Variants in APP observed in about 807,000 individuals in gnomAD.
APP encodes the protein amyloid-beta precursor protein.
APP carries 31 observed loss-of-function variants against 101.4 expected under a neutral mutation model. That is an observed-to-expected ratio of 0.31 (90% CI 0.23 to 0.41). APP has a LOEUF of 0.41. Ranked by LOEUF, APP falls within the 10% of genes least tolerant of loss-of-function variation. APP has a pLI of 1.00. For synonymous variants in APP, 366 were observed against 364.4 expected (o/e 1.00, Z -0.05); for missense variants, 839 against 1,003.7 (o/e 0.84, Z 2.22).
In APP at chr21:26,082,175, C is replaced by T. The variant is rs969024670; in HGVS notation, c.355+7768G>A. The stretch of plus-strand genomic sequence containing the variant: ...TGGAGGTTGCAGTGAGCCGAGATCA[C>T]GCCATTGCACTCCAGCCGGGGCAAC... On this transcript the variant is annotated intron_variant, in intron 3 of 17. Coordinates refer to ENST00000346798, the MANE Select transcript of APP (RefSeq NM_000484.4). Among the ~76,000 whole-genome samples the T allele has an allele frequency of 1.1e-4, 17 of 152,086 alleles. 1 individual carries two copies. The highest frequency in any genetic ancestry group is 3.9e-4 in the African/African-American group (16 of 41,408).
chr21:25,997,832 T>C (rs1229883763), intron 7 of APP, among the ~76,000 whole-genome samples: 1 of 152,212 alleles, frequency 6.6e-6, no homozygotes, highest in Non-Finnish European at 1.5e-5. Context: ...CCCATCTAAC[T>C]GATCTTCAGC....
intron 1 of APP, among the ~76,000 whole-genome samples, chr21:26,153,484 T>C (rs1341801591): frequency 2.6e-5 from 4 of 152,112 alleles, no homozygotes; most frequent in Non-Finnish European, 5.9e-5. Context: ...TTCACTTTTT[T>C]AAAAAACATA....
At chr21:26,101,332 C>A (rs955178655) in intron 2 of APP, among the ~76,000 whole-genome samples, 1 of 152,138 alleles carries the variant, frequency 6.6e-6, no homozygotes, top group East Asian at 1.9e-4. Context: ...CTCTTGATCT[C>A]GTCACCAGCC....
At position 26,002,757 on chromosome 21, in the gene APP, C is replaced by T. The variant is rs147631787; in HGVS notation, c.866-2575G>A. ...CCATGCCTTGGCAATTTATGCTGAC[C>T]CTCACATTTTGGCATTAAAAAAAAG... On this transcript the variant is annotated intron_variant, in intron 6 of 17. Transcript: ENST00000346798. 2.4e-3 allele frequency among the ~76,000 whole-genome samples: 369 copies of T among 152,160 alleles called. 2 individuals are homozygous for T. The highest frequency in any genetic ancestry group is 8.4e-3 in the African/African-American group (347 of 41,502).
At chr21:25,957,481 G>GTTA (rs1426259413) in intron 11 of APP, among the ~76,000 whole-genome samples, 2 of 152,146 alleles carry the variant, frequency 1.3e-5, no homozygotes, top group Admixed American at 1.3e-4. Flanking sequence ...ATGCTTGCTT[G>GTTA]TTATTAAGCA....
At chr21:26,089,913 C>G in intron 3 of APP, 30 bp downstream of exon 3, 1 of 1,613,488 alleles carries the variant, frequency 6.2e-7, no homozygotes, top group South Asian at 1.1e-5. Context: ...GGCCCCCAAT[C>G]AACACCAGCC....
intron 8 of APP, among the ~76,000 whole-genome samples, chr21:25,988,054 C>T (rs559521612): frequency 5.3e-5 from 8 of 152,102 alleles, no homozygotes; most frequent in Non-Finnish European, 5.9e-5. Context: ...AAAGGTAGAC[C>T]GCAGTAAGTG....
intron 1 of APP, chr21:26,158,188 T>A (rs537483474): frequency 6.6e-6 from 1 of 152,214 alleles, no homozygotes; most frequent in South Asian, 2.1e-4. Context: ...ACCATAAAAA[T>A]GAGAAAGCAT....
At chr21:25,923,394 C>T (rs2039719163) in intron 13 of APP, among the ~76,000 whole-genome samples, 1 of 146,970 alleles carries the variant, frequency 6.8e-6, no homozygotes, top group Non-Finnish European at 1.5e-5. Context: ...TCTAATTAAA[C>T]TAAAGAGCTT....
chr21:25,929,798 A>G (rs1388091162), intron 13 of APP, among the ~76,000 whole-genome samples: 1 of 152,236 alleles, frequency 6.6e-6, no homozygotes, highest in Non-Finnish European at 1.5e-5. Context: ...TATAAAGGCA[A>G]AAGTCATTCT....
At chr21:26,154,465 T>C (rs914886440) in intron 1 of APP, among the ~76,000 whole-genome samples, 5 of 152,146 alleles carry the variant, frequency 3.3e-5, no homozygotes, top group African/African-American at 1.2e-4. Flanking sequence ...ATCTCATATA[T>C]GTATAATACT....
intron 1 of APP, among the ~76,000 whole-genome samples, chr21:26,157,411 TAGAAAGTAAAACCAACAGC>T (rs1211867458): frequency 1.3e-5 from 2 of 152,180 alleles, no homozygotes; most frequent in African/African-American, 4.8e-5. Context: ...AATGAAATGT[TAGAAAGTAAAACCAACAGC>T]AGAAAGTAAA....
At chr21:26,085,936 T>G (rs536793843) in intron 3 of APP, among the ~76,000 whole-genome samples, 5 of 152,236 alleles carry the variant, frequency 3.3e-5, no homozygotes, top group Non-Finnish European at 4.4e-5. Context: ...AGAATGACAT[T>G]TAAGGTAAAA....
At chr21:25,953,741 TGTG>T (rs1428283079) in intron 13 of APP, among the ~76,000 whole-genome samples, 3 of 152,150 alleles carry the variant, frequency 2.0e-5, no homozygotes, top group African/African-American at 7.2e-5. Flanking sequence ...CAGAGACTCA[TGTG>T]GTATTTTATT....
intron 4 of APP, among the ~76,000 whole-genome samples, chr21:26,052,080 G>T (rs2045860621): frequency 6.6e-6 from 1 of 152,112 alleles, no homozygotes; most frequent in African/African-American, 2.4e-5. Flanking sequence ...ATTCTACAGT[G>T]GATCCAAATA....
intron 3 of APP, among the ~76,000 whole-genome samples, chr21:26,066,068 C>T (rs2046442179): frequency 6.6e-6 from 1 of 152,072 alleles, no homozygotes; most frequent in African/African-American, 2.4e-5. Flanking sequence ...TCATGGATCA[C>T]ACTTTGAGAA....
intron 2 of APP, among the ~76,000 whole-genome samples, chr21:26,111,312 A>G (rs1246123864): frequency 2.0e-5 from 3 of 152,202 alleles, no homozygotes; most frequent in African/African-American, 4.8e-5. Context: ...AAACCAAACT[A>G]TAATAGAATA....
At chr21:25,957,792 G>T (rs2041387335) in intron 11 of APP, among the ~76,000 whole-genome samples, 1 of 152,022 alleles carries the variant, frequency 6.6e-6, no homozygotes, top group South Asian at 2.1e-4. Context: ...GACCAGCCTG[G>T]ACAACATTAC....
At chr21:25,951,059 A>G (rs1601002919) in intron 13 of APP, among the ~76,000 whole-genome samples, 2 of 152,216 alleles carry the variant, frequency 1.3e-5, no homozygotes, top group South Asian at 4.1e-4. Flanking sequence ...GGCTAGACCC[A>G]TGAATTTGGG....
Sources: allele counts gnomAD v4.1 joint callset (sites outside exome capture counted in the v4.1 genomes callset), GRCh38; gene constraint gnomAD v4.1.1; transcripts MANE v1.5; gene names NCBI Gene and HGNC (gene_info 2026-07-23, HGNC 2026-07-21).